AGPAT3: variants seen among roughly 807,000 people sequenced by gnomAD.
AGPAT3 encodes 1-acyl-sn-glycerol-3-phosphate acyltransferase gamma.
AGPAT3 carries 5 observed loss-of-function variants against 47.3 expected under a neutral mutation model. That is an observed-to-expected ratio of 0.11 (90% CI 0.06 to 0.22). AGPAT3 has a LOEUF of 0.22. Ranked by LOEUF, AGPAT3 falls within the 10% of genes least tolerant of loss-of-function variation. AGPAT3 has a pLI of 1.00. For missense variants in AGPAT3, 315 were observed against 493.0 expected (o/e 0.64, Z 3.42); for synonymous variants, 212 against 208.3 (o/e 1.02, Z -0.15).
Position 43,986,106 on chromosome 21 carries a change from C to A in AGPAT3, c.*3714C>A, listed in dbSNP as rs2030270891. On this transcript the variant is annotated 3_prime_UTR_variant, in exon 10 of 10. Transcript: ENST00000291572. ...GGATGCAGACATCCGGCTCCGTATT[C>A]CTGCCTATCGGGGCCAGGATGCAAA... The A allele has an allele frequency of 6.6e-6, 1 of 152,272 alleles. No homozygotes were observed. The highest frequency in any genetic ancestry group is 6.5e-5 in the Admixed American group (1 of 15,292). The allele number at this position is 152,272 out of a possible 1,614,324, so 9.4% of individuals were successfully genotyped here.
intron 5 of AGPAT3, among the ~76,000 whole-genome samples, chr21:43,969,750 T>C (rs1315626195): frequency 6.6e-6 from 1 of 152,106 alleles, no homozygotes; most frequent in Non-Finnish European, 1.5e-5. Context: ...CAGGCTGGAG[T>C]GCAGTGGTGC....
chr21:43,893,110 A>G (rs2086135935), intron 1 of AGPAT3, among the ~76,000 whole-genome samples: 1 of 152,082 alleles, frequency 6.6e-6, no homozygotes, highest in African/African-American at 2.4e-5. Flanking sequence ...GAAAAAGAAA[A>G]TCTATTGTTG....
intron 2 of AGPAT3, among the ~76,000 whole-genome samples, chr21:43,910,265 G>A (rs1202684190): frequency 2.0e-5 from 3 of 152,206 alleles, no homozygotes; most frequent in Admixed American, 6.5e-5. Flanking sequence ...TCCTGCGCCC[G>A]TGAGAGGGTG....
At position 43,955,935 on chromosome 21, in the gene AGPAT3, C is replaced by T. The variant is rs558790432; in HGVS notation, c.-48-3699C>T. On this transcript the variant is annotated intron_variant, in intron 2 of 9. Transcript: ENST00000291572. This position sits in a 1 kb window ranked among gnomAD's most constrained non-coding sequence, Gnocchi z 4.1. ...AAAAAAATCAGATTCCTGTACTTTG[C>T]GCCGTAGCAACGGAATCAGCAGGTC... Among the ~76,000 whole-genome samples the T allele has an allele frequency of 1.3e-5, 2 of 151,726 alleles. No homozygotes were observed. Among genetic ancestry groups the T allele is most frequent in the South Asian group, 2.1e-4 (1 of 4,810 alleles).
chr21:43,878,133 G>A (rs1022526527), intron 1 of AGPAT3, among the ~76,000 whole-genome samples: 1 of 151,996 alleles, frequency 6.6e-6, no homozygotes, highest in Admixed American at 6.6e-5. Context: ...GACGCCTGCT[G>A]ATGTCAGTGT....
At chr21:43,885,514 A>G (rs1002297454) in intron 1 of AGPAT3, among the ~76,000 whole-genome samples, 10 of 151,148 alleles carry the variant, frequency 6.6e-5, no homozygotes, top group East Asian at 2.0e-4. Flanking sequence ...TCAGCCTCAC[A>G]GGTAGCTGTG....
At chr21:43,980,879 G>A in intron 8 of AGPAT3, 110 bp from the exon 9 acceptor site, 1 of 1,052,458 alleles carries the variant, frequency 9.5e-7, no homozygotes, top group Non-Finnish European at 1.4e-6. Context: ...AATTGACGTG[G>A]CGCTTTTTTT....
chr21:43,893,685 T>G (rs2086149820), intron 1 of AGPAT3, among the ~76,000 whole-genome samples: 1 of 152,180 alleles, frequency 6.6e-6, no homozygotes, highest in Admixed American at 6.6e-5. Context: ...GTGGCCTCAT[T>G]TCAACACTGC....
rs1038088395 is a variant in AGPAT3, at chr21:43,933,768, C to T, written c.-48-25866C>T. Reference sequence around the variant, plus strand: ...CATACCAGATGCCCAGAGGCCCCGGCGGCCTCCATCCAAGCACAGGCCCAA... The same window carrying T: ...CATACCAGATGCCCAGAGGCCCCGGTGGCCTCCATCCAAGCACAGGCCCAA... On this transcript the variant is annotated intron_variant, in intron 2 of 9. Transcript: ENST00000291572. This position sits in a 1 kb window ranked among gnomAD's most constrained non-coding sequence, Gnocchi z 6.0. 1.3e-5 allele frequency among the ~76,000 whole-genome samples: 2 copies of T among 151,964 alleles called. No homozygotes were observed. The highest frequency in any genetic ancestry group is 4.8e-5 in the African/African-American group (2 of 41,364).
intron 2 of AGPAT3, among the ~76,000 whole-genome samples, chr21:43,948,831 C>G (rs576909051): frequency 2.6e-5 from 4 of 152,094 alleles, no homozygotes; most frequent in African/African-American, 9.7e-5. Context: ...TGTTGACGAA[C>G]GTGTAGTCAG....
At chr21:43,892,453 A>G (rs746838715) in intron 1 of AGPAT3, among the ~76,000 whole-genome samples, 10 of 152,232 alleles carry the variant, frequency 6.6e-5, no homozygotes, top group Non-Finnish European at 1.3e-4. Context: ...GGCAATGAAC[A>G]GTAATTTTTT....
rs145016636 is a variant in AGPAT3 at position 43,871,582 on chromosome 21, G to A, written c.-112+6237G>A. On this transcript the variant is annotated intron_variant, in intron 1 of 9. Coordinates refer to ENST00000291572, the MANE Select transcript of AGPAT3 (RefSeq NM_020132.5). The stretch of plus-strand genomic sequence containing the variant: ...GCACTTGGCATTGCTGTTGATTTTC[G>A]CAAAGCTGGTAGATGCAAAGTGTTG... Among the ~76,000 whole-genome samples, 34 of 152,252 alleles carry A rather than the reference G, an allele frequency of 2.2e-4. No homozygotes were observed. In the East Asian group the frequency reaches 5.4e-3, roughly 24 times the overall value.
At position 43,907,281 on chromosome 21, in the gene AGPAT3, C is replaced by T. The variant is rs2086523798; in HGVS notation, c.-49+3262C>T. Among the ~76,000 whole-genome samples, 7 of 152,220 alleles carry T rather than the reference C, an allele frequency of 4.6e-5. No homozygotes were observed. In the South Asian group the frequency reaches 6.2e-4, roughly 14 times the overall value. On this transcript the variant is annotated intron_variant, in intron 2 of 9. Coordinates refer to ENST00000291572, the MANE Select transcript of AGPAT3 (RefSeq NM_020132.5). ...TGGGCTCAAGCCCATCTGCCGGCCT[C>T]GGCCTCCCAAAGTAGTTGGGATTCG...
intron 2 of AGPAT3, among the ~76,000 whole-genome samples, chr21:43,940,547 G>A (rs1459335930): frequency 1.3e-5 from 2 of 152,224 alleles, no homozygotes; most frequent in African/African-American, 4.8e-5. Context: ...TTCTGCAAAG[G>A]GGTTTTTGTT....
intron 4 of AGPAT3, 78 bp downstream of exon 4, chr21:43,968,193 A>T (rs1601451127): frequency 1.8e-5 from 12 of 666,650 alleles, no homozygotes; most frequent in Non-Finnish European, 2.3e-5. Flanking sequence ...GGACCCAGGG[A>T]GGGCCGGGGT....
At chr21:43,957,848 G>T (rs923719546) in intron 2 of AGPAT3, among the ~76,000 whole-genome samples, 1 of 151,554 alleles carries the variant, frequency 6.6e-6, no homozygotes, top group Non-Finnish European at 1.5e-5. Context: ...CACGGGGGTT[G>T]TAGGGCCGCT....
At chr21:43,957,844 G>C (rs539426274) in intron 2 of AGPAT3, among the ~76,000 whole-genome samples, 1 of 152,378 alleles carries the variant, frequency 6.6e-6, no homozygotes, top group South Asian at 2.1e-4. Context: ...TCCACACGGG[G>C]GTTGTAGGGC....
intron 1 of AGPAT3, among the ~76,000 whole-genome samples, chr21:43,879,740 C>T (rs571557851): frequency 6.6e-6 from 1 of 152,314 alleles, no homozygotes; most frequent in Non-Finnish European, 1.5e-5. Context: ...TGGCTGTCTG[C>T]ACTCTGAGTC....
Position 43,934,703 on chromosome 21 carries a change from G to A in AGPAT3, c.-48-24931G>A, listed in dbSNP as rs546255061. On this transcript the variant is annotated intron_variant, in intron 2 of 9. Coordinates refer to ENST00000291572, the MANE Select transcript of AGPAT3 (RefSeq NM_020132.5). The surrounding 1 kb of genome is among the most constrained non-coding windows in gnomAD (Gnocchi z 4.7). ...ATAGCTGGGAGCACGAGGAGGCCAC[G>A]TGCCCATGGTGGAGGAGCCACAGCA... Among the ~76,000 whole-genome samples the A allele has an allele frequency of 2.6e-5, 4 of 152,178 alleles. No individual in the cohort carries two copies. Among genetic ancestry groups the A allele is most frequent in the East Asian group, 3.9e-4 (2 of 5,178 alleles).
Sources: allele counts gnomAD v4.1 joint callset (sites outside exome capture counted in the v4.1 genomes callset), GRCh38; gene constraint gnomAD v4.1.1; non-coding constraint Gnocchi (gnomAD v3.1); transcripts MANE v1.5; gene names NCBI Gene and HGNC (gene_info 2026-07-23, HGNC 2026-07-21).